The following SNX8 variants were observed in gnomAD, a reference collection of about 807,000 sequenced individuals.
The protein encoded by SNX8 is sorting nexin 8.
Under a neutral mutation model 51.6 loss-of-function variants are expected in SNX8, and 25 were observed. The ratio of observed to expected loss-of-function variants is 0.48; its 90% CI spans 0.35 to 0.68. The LOEUF (loss-of-function observed/expected upper bound fraction) is 0.68, where lower values mean the gene tolerates loss of function less well. Ranked by LOEUF, SNX8 falls within the 30% of genes least tolerant of loss-of-function variation. The pLI is 0.00. For synonymous variants in SNX8, 324 were observed against 277.0 expected (o/e 1.17, Z -1.68); for missense variants, 695 against 624.0 (o/e 1.11, Z -1.21).
rs35074438 is a variant in SNX8, at chr7:2,253,247, T to TGC, written c.*1808_*1809insGC. 7.3e-4 allele frequency: 3 copies of TGC among 4,114 alleles called. No individual in the cohort carries two copies. Among genetic ancestry groups the TGC allele is most frequent in the Admixed American group, 5.4e-3 (1 of 186 alleles). 0.3% of individuals were successfully genotyped at this position (4,114 alleles called of 1,614,324 possible). A position where few individuals can be genotyped will look rare whatever the true frequency, so the allele number is the denominator to read the frequency against. Reference sequence around the variant, plus strand: ...GAAGTCTTGCTCAATCCTTGGGGGCTGTCAGGAGCGCGTGCCTTGCCTACT... The same window carrying TGC: ...GAAGTCTTGCTCAATCCTTGGGGGCTGCGTCAGGAGCGCGTGCCTTGCCTACT... On this transcript the variant is annotated 3_prime_UTR_variant, in exon 11 of 11. Transcript: ENST00000222990.
intron 1 of SNX8, among the ~76,000 whole-genome samples, chr7:2,307,522 C>A (rs545445294): frequency 7.9e-5 from 12 of 151,102 alleles, no homozygotes; most frequent in Non-Finnish European, 1.6e-4. Flanking sequence ...ATCCCAGCTA[C>A]TCGGGAGGCT....
intron 1 of SNX8, among the ~76,000 whole-genome samples, chr7:2,350,355 G>T (rs554323248): frequency 2.0e-5 from 3 of 152,156 alleles, no homozygotes; most frequent in Non-Finnish European, 4.4e-5. Flanking sequence ...CCAAGGGGCC[G>T]TGTGGCGGAA....
chr7:2,332,775 G>T (rs1340663345), intron 1 of SNX8, among the ~76,000 whole-genome samples: 3 of 149,614 alleles, frequency 2.0e-5, no homozygotes, highest in African/African-American at 7.4e-5. Context: ...AGGAAGGAGG[G>T]AAGGAGGGAA....
At chr7:2,317,426 T>A (rs1025907220), upstream of SNX8, among the ~76,000 whole-genome samples, 1 of 151,578 alleles carries the variant, frequency 6.6e-6, no homozygotes, top group African/African-American at 2.4e-5. Flanking sequence ...TACAGGCGTG[T>A]GCCACCACAC....
At chr7:2,292,331 C>T (rs755896502) in intron 1 of SNX8, among the ~76,000 whole-genome samples, 56 of 152,104 alleles carry the variant, frequency 3.7e-4, no homozygotes, top group Admixed American at 1.2e-3. Context: ...GATCACAGAC[C>T]TAAATGCAAG....
chr7:2,323,448 T>C (rs989649069), intron 1 of SNX8, among the ~76,000 whole-genome samples: 1 of 151,896 alleles, frequency 6.6e-6, no homozygotes, highest in African/African-American at 2.4e-5. Flanking sequence ...ATAGGCTATA[T>C]CATGCTGCAG....
intron 7 of SNX8, 127 bp downstream of exon 7, chr7:2,263,103 G>A: frequency 8.6e-7 from 1 of 1,158,714 alleles, no homozygotes; most frequent in Non-Finnish European, 1.2e-6. Flanking sequence ...TGGCAACAGA[G>A]GGAGACTCCT....
At chr7:2,313,074 T>C (rs1164144964) in intron 1 of SNX8, among the ~76,000 whole-genome samples, 2 of 151,916 alleles carry the variant, frequency 1.3e-5, no homozygotes, top group Non-Finnish European at 2.9e-5. Context: ...ATTTTTTTTG[T>C]ATTTTTAGTA....
At chr7:2,268,914 A>G (rs1372489841) in intron 5 of SNX8, among the ~76,000 whole-genome samples, 3,091 of 63,686 alleles carry the variant, frequency 0.049, no homozygotes, top group Admixed American at 0.065. Context: ...GGGGGGGGTC[A>G]GCCCCCCTGC....
chr7:2,302,972 G>A (rs982304829), intron 1 of SNX8, among the ~76,000 whole-genome samples: 1 of 151,868 alleles, frequency 6.6e-6, no homozygotes, highest in African/African-American at 2.4e-5. Flanking sequence ...GAAGTGAGGA[G>A]CGTCTCCGCC....
chr7:2,275,064 G>T (rs1795743466), intron 3 of SNX8, 48 bp downstream of exon 3: 5 of 1,292,524 alleles, frequency 3.9e-6, no homozygotes, highest in Non-Finnish European at 5.6e-6. Context: ...GGGTCCAGGA[G>T]ATGGGCTCGC....
intron 1 of SNX8, among the ~76,000 whole-genome samples, chr7:2,341,188 A>G (rs6461318): frequency 0.52 from 78,237 of 151,134 alleles, 20,495 homozygotes; most frequent in East Asian, 0.76. Context: ...AAGAAAAGGA[A>G]AGAAAGAAAA....
At chr7:2,309,460 G>A (rs934638671) in intron 1 of SNX8, among the ~76,000 whole-genome samples, 6 of 152,214 alleles carry the variant, frequency 3.9e-5, no homozygotes, top group African/African-American at 7.2e-5. Flanking sequence ...AGCCGGGCGC[G>A]GTGGCTCACG....
intron 1 of SNX8, among the ~76,000 whole-genome samples, chr7:2,339,308 C>T (rs551173555): frequency 6.6e-6 from 1 of 152,164 alleles, no homozygotes; most frequent in East Asian, 1.9e-4. Context: ...TGGGTTCAGG[C>T]AATTCTCCTG....
intron 1 of SNX8, among the ~76,000 whole-genome samples, chr7:2,322,361 G>T (rs557260896): frequency 6.6e-6 from 1 of 152,036 alleles, no homozygotes; most frequent in African/African-American, 2.4e-5. Flanking sequence ...TTGTGCCACC[G>T]TATTCCAGCC....
In SNX8 at chr7:2,310,151, G is replaced by A. The variant is rs114939978; in HGVS notation, c.94+4177C>T. Among the ~76,000 whole-genome samples, 1,108 of 151,974 alleles carry A rather than the reference G, an allele frequency of 7.3e-3. 11 individuals are homozygous for A. Among genetic ancestry groups the A allele is most frequent in the African/African-American group, 0.026 (1,059 of 41,438 alleles). On this transcript the variant is annotated intron_variant, in intron 1 of 10. Coordinates refer to ENST00000222990, the MANE Select transcript of SNX8 (RefSeq NM_013321.4). ...ACATATTTCTATCCATGTATTAATC[G>A]ATCCCGAGAAATCAGGCTGGACGAC... is the stretch of plus-strand genomic sequence containing the variant.
chr7:2,284,158 G>A (rs1795969257), intron 1 of SNX8, among the ~76,000 whole-genome samples: 1 of 152,096 alleles, frequency 6.6e-6, no homozygotes, highest in Non-Finnish European at 1.5e-5. Flanking sequence ...TCGAACTCCT[G>A]ACCTCAGGTG....
At chr7:2,312,448 C>T (rs1439811244) in intron 1 of SNX8, among the ~76,000 whole-genome samples, 2 of 152,180 alleles carry the variant, frequency 1.3e-5, no homozygotes, top group South Asian at 2.1e-4. Flanking sequence ...CTGAGACTCA[C>T]GCTGGCCTCC....
chr7:2,292,775 T>C (rs1562442450), intron 1 of SNX8, among the ~76,000 whole-genome samples: 1 of 151,914 alleles, frequency 6.6e-6, no homozygotes, highest in African/African-American at 2.4e-5. Flanking sequence ...TACCCAGCAA[T>C]TTGGGAGGTT....
Sources: allele counts gnomAD v4.1 joint callset (sites outside exome capture counted in the v4.1 genomes callset), GRCh38; gene constraint gnomAD v4.1.1; transcripts MANE v1.5; gene names NCBI Gene and HGNC (gene_info 2026-07-23, HGNC 2026-07-21).